DPF3: variants seen among roughly 807,000 people sequenced by gnomAD.
The protein encoded by DPF3 is zinc finger protein DPF3.
DPF3 carries 18 observed loss-of-function variants against 56.8 expected under a neutral mutation model. The observed-to-expected ratio is 0.32, with a 90% CI of 0.22 to 0.47. The LOEUF is 0.47. DPF3 is among the 20% of genes least tolerant of loss of function. DPF3 has a pLI of 1.00. For synonymous variants in DPF3, 188 were observed against 180.2 expected (o/e 1.04, Z -0.35); for missense variants, 403 against 488.8 (o/e 0.82, Z 1.65).
rs139383313 is a variant in DPF3 at position 72,843,812 on chromosome 14, G to T, written c.32+50245C>A. Among the ~76,000 whole-genome samples the T allele has an allele frequency of 4.6e-3, 704 of 152,332 alleles. 4 individuals are homozygous for T. Among genetic ancestry groups the T allele is most frequent in the African/African-American group, 0.016 (671 of 41,576 alleles). On this transcript the variant is annotated intron_variant, in intron 1 of 10. Coordinates refer to ENST00000556509, the MANE Select transcript of DPF3 (RefSeq NM_001280542.3). ...CCGCCTCAGCCTCCCAAAGTGCTGG[G>T]ATTACAGGCGTGAGCCACCACACCC...
chr14:72,818,298 T>C (rs987424930), intron 1 of DPF3, among the ~76,000 whole-genome samples: 5 of 151,426 alleles, frequency 3.3e-5, no homozygotes, highest in African/African-American at 1.2e-4. Flanking sequence ...AACCTTGGTG[T>C]AGGCAAAGAT....
At chr14:72,743,864 G>A (rs1890228083) in intron 3 of DPF3, among the ~76,000 whole-genome samples, 1 of 152,214 alleles carries the variant, frequency 6.6e-6, no homozygotes, top group Non-Finnish European at 1.5e-5. Flanking sequence ...TCTACATCAT[G>A]AAACACCTTG....
intron 4 of DPF3, among the ~76,000 whole-genome samples, chr14:72,730,245 G>A (rs1049701777): frequency 6.6e-6 from 1 of 151,920 alleles, no homozygotes; most frequent in Non-Finnish European, 1.5e-5. Context: ...AGGCACAGTC[G>A]ACAAGGCTCC....
intron 1 of DPF3, among the ~76,000 whole-genome samples, chr14:72,866,362 C>T (rs932427858): frequency 6.8e-6 from 1 of 148,028 alleles, no homozygotes; most frequent in East Asian, 1.9e-4. Context: ...CCAAACTTTT[C>T]GCCCAAGTAT....
chr14:72,727,072 G>T (rs1200743389), intron 4 of DPF3, among the ~76,000 whole-genome samples: 1 of 152,116 alleles, frequency 6.6e-6, no homozygotes, highest in Non-Finnish European at 1.5e-5. Context: ...TGTCCTGTGG[G>T]AACTAGGTGG....
At chr14:72,762,107 T>C (rs1381196542) in intron 2 of DPF3, among the ~76,000 whole-genome samples, 3 of 151,882 alleles carry the variant, frequency 2.0e-5, no homozygotes, top group African/African-American at 7.2e-5. Context: ...TGGTAAATGT[T>C]ATAAAATATT....
intron 8 of DPF3, among the ~76,000 whole-genome samples, chr14:72,653,738 A>T (rs1229713499): frequency 6.6e-6 from 1 of 152,180 alleles, no homozygotes; most frequent in Non-Finnish European, 1.5e-5. Context: ...GCATCTCAGG[A>T]TATCCCACAC....
intron 1 of DPF3, among the ~76,000 whole-genome samples, chr14:72,774,262 T>TA (rs777564213): frequency 0.059 from 3,582 of 60,948 alleles, 301 homozygotes; most frequent in African/African-American, 0.15. Context: ...AGACTCTGTC[T>TA]AAAAAAAAAA....
intron 2 of DPF3, among the ~76,000 whole-genome samples, chr14:72,767,936 A>T (rs1443892241): frequency 1.3e-5 from 2 of 152,176 alleles, no homozygotes; most frequent in Non-Finnish European, 2.9e-5. Context: ...TTATAAGGGA[A>T]AAAAGCATTT....
At chr14:72,664,864 C>T (rs578181685) in intron 8 of DPF3, among the ~76,000 whole-genome samples, 5 of 152,280 alleles carry the variant, frequency 3.3e-5, no homozygotes, top group South Asian at 4.1e-4. Context: ...TCAAGGAACA[C>T]GCCATCTGTT....
chr14:72,869,213 A>G (rs1323175680), intron 1 of DPF3, among the ~76,000 whole-genome samples: 1 of 152,112 alleles, frequency 6.6e-6, no homozygotes, highest in Non-Finnish European at 1.5e-5. Context: ...TCCCCCTACT[A>G]TACTCTTCTA....
At position 72,612,525 on chromosome 14, in the gene DPF3, T is replaced by G. The variant is rs1803357172; in HGVS notation, c.*6772A>C. The G allele has an allele frequency of 1.9e-6, 1 of 518,638 alleles. No individual in the cohort carries two copies. Among genetic ancestry groups the G allele is most frequent in the African/African-American group, 1.9e-5 (1 of 51,836 alleles). 32.1% of individuals were successfully genotyped at this position (518,638 alleles called of 1,614,324 possible). A position where few individuals can be genotyped will look rare whatever the true frequency, so the allele number is the denominator to read the frequency against. On this transcript the variant is annotated 3_prime_UTR_variant, in exon 11 of 11. Coordinates refer to ENST00000556509, the MANE Select transcript of DPF3 (RefSeq NM_001280542.3). ...TCTTTTTCCTATACGCCACTGTTGC[T>G]TCCCACTTCCCACCTCCACCCCACT...
intron 1 of DPF3, among the ~76,000 whole-genome samples, chr14:72,773,279 CCT>C (rs1891615774): frequency 6.6e-6 from 1 of 151,828 alleles, no homozygotes; most frequent in Non-Finnish European, 1.5e-5. Context: ...ATTATAGGTA[CCT>C]GCCACCATGC....
intron 7 of DPF3, chr14:72,675,444 C>T (rs1263298042): frequency 6.6e-6 from 1 of 152,260 alleles, no homozygotes; most frequent in Non-Finnish European, 1.5e-5. Context: ...TCTTCCTCCT[C>T]ACCAGACCCA....
intron 1 of DPF3, among the ~76,000 whole-genome samples, chr14:72,842,431 G>A (rs1158626803): frequency 2.0e-5 from 3 of 152,202 alleles, no homozygotes; most frequent in Admixed American, 6.5e-5. Flanking sequence ...AGCCAACGCT[G>A]GGTGAATCTC....
At chr14:72,876,657 C>G (rs568094158) in intron 1 of DPF3, among the ~76,000 whole-genome samples, 3 of 152,158 alleles carry the variant, frequency 2.0e-5, no homozygotes, top group Non-Finnish European at 4.4e-5. Context: ...TCAAACGCCT[C>G]ACGTCTTTGT....
Position 72,838,905 on chromosome 14 carries a change from A to ATATATATATATTT in DPF3, c.32+55151_32+55152insAAATATATATATA. Among the ~76,000 whole-genome samples the ATATATATATATTT allele has an allele frequency of 1.2e-4, 8 of 64,480 alleles. 1 individual carries two copies. The highest frequency in any genetic ancestry group is 1.7e-4 in the Non-Finnish European group (6 of 36,116). The allele number at this position is 64,480 out of a possible 152,430, so 42.3% of individuals were successfully genotyped here. On this transcript the variant is annotated intron_variant, in intron 1 of 10. Transcript: ENST00000556509. The stretch of plus-strand genomic sequence containing the variant: ...ATCTATCATATATATTATCATATAT[A>ATATATATATATTT]TTCTTTTTTTTTTTTTTTTTTTTTT...
chr14:72,621,861 A>C (rs191193497), intron 9 of DPF3, among the ~76,000 whole-genome samples: 20 of 152,346 alleles, frequency 1.3e-4, no homozygotes, highest in Non-Finnish European at 1.6e-4. Context: ...AAGCCAGATG[A>C]TACAGCCACC....
At chr14:72,623,410 T>C (rs1002842574) in intron 9 of DPF3, among the ~76,000 whole-genome samples, 1 of 152,200 alleles carries the variant, frequency 6.6e-6, no homozygotes. Context: ...CATCTGACTA[T>C]AAAACAATTA....
Sources: gnomAD v4.1 joint callset for allele counts (sites outside exome capture counted in the v4.1 genomes callset) on GRCh38, gnomAD v4.1.1 for gene constraint, MANE v1.5 for transcripts, NCBI Gene and HGNC (gene_info 2026-07-23, HGNC 2026-07-21) for gene names.